Variants in SHANK2 observed in about 807,000 individuals in gnomAD.
The protein encoded by SHANK2 is SH3 and multiple ankyrin repeat domains 2, also known as SH3 and multiple ankyrin repeat domains protein 2.
A neutral mutation model predicts 133.7 loss-of-function variants in SHANK2; 43 were observed. The ratio of observed to expected loss-of-function variants is 0.32; its 90% confidence interval spans 0.25 to 0.41. The LOEUF (loss-of-function observed/expected upper bound fraction) is 0.41. Ranked by LOEUF, SHANK2 falls within the 10% of genes least tolerant of loss-of-function variation. The pLI, the probability that SHANK2 is intolerant of heterozygous loss-of-function variation, is 1.00. For missense variants in SHANK2, 1,994 were observed against 2,235.8 expected (o/e 0.89, Z 2.18); for synonymous variants, 1,017 against 952.8 (o/e 1.07, Z -1.24).
At chr11:70,744,515 G>C (rs1946598355) in intron 14 of SHANK2, among the ~76,000 whole-genome samples, 1 of 152,166 alleles carries the variant, frequency 6.6e-6, no homozygotes, top group Non-Finnish European at 1.5e-5. Context: ...CCAGAAGGTT[G>C]GAAGAGGGCA....
rs1377859112 is a variant in SHANK2 at position 70,882,865 on chromosome 11, G to A, written c.1174+13636C>T. Among the ~76,000 whole-genome samples, 1 of 152,190 alleles carries A rather than the reference G, an allele frequency of 6.6e-6. No homozygotes were observed. The highest frequency in any genetic ancestry group is 1.5e-5 in the Non-Finnish European group (1 of 68,034). The stretch of plus-strand genomic sequence containing the variant: ...CTGTGTGGATTTTGCAGGAGTGAGG[G>A]GAGGTCCTGAGGAAACAGCTGCAGG... On this transcript the variant is annotated intron_variant, in intron 11 of 25. Coordinates refer to ENST00000601538, the MANE Select transcript of SHANK2 (RefSeq NM_012309.5). This position sits in a 1 kb window ranked among gnomAD's most constrained non-coding sequence, Gnocchi z 4.2.
intron 17 of SHANK2, among the ~76,000 whole-genome samples, chr11:70,613,483 A>G (rs1052619002): frequency 5.4e-4 from 82 of 152,284 alleles, no homozygotes; most frequent in Admixed American, 2.6e-3. Context: ...GATTACAGGC[A>G]TGAGCCGCCG....
At chr11:70,792,394 GCCAACCAACCAACCAACCAA>G (rs57783483) in intron 14 of SHANK2, among the ~76,000 whole-genome samples, 143 of 144,196 alleles carry the variant, frequency 9.9e-4, no homozygotes, top group Non-Finnish European at 1.7e-3. Flanking sequence ...CAGCCAACCA[GCCAACCAACCAACCAACCAA>G]CCAACCAACC....
At chr11:71,217,088 T>C (rs1954428807) in intron 2 of SHANK2, among the ~76,000 whole-genome samples, 1 of 151,890 alleles carries the variant, frequency 6.6e-6, no homozygotes, top group South Asian at 2.1e-4. Flanking sequence ...TCCCAGCTAC[T>C]TGGGAGGCTG....
chr11:71,206,136 A>G (rs1194383919), intron 2 of SHANK2, among the ~76,000 whole-genome samples: 2 of 152,188 alleles, frequency 1.3e-5, no homozygotes, highest in Non-Finnish European at 2.9e-5. Context: ...CAAAGTACAC[A>G]TCTGCCCGTG....
chr11:70,738,985 G>A (rs552497023), intron 14 of SHANK2, among the ~76,000 whole-genome samples: 2 of 152,296 alleles, frequency 1.3e-5, no homozygotes, highest in African/African-American at 2.4e-5. Context: ...GTGGCCCGAC[G>A]GAAGGACCTG....
chr11:70,610,532 C>G (rs945612303), intron 17 of SHANK2, among the ~76,000 whole-genome samples: 15 of 152,222 alleles, frequency 9.9e-5, no homozygotes, highest in Non-Finnish European at 1.5e-5. Context: ...TAGAAACAGG[C>G]TGCTGGCCTT....
At chr11:70,914,208 G>A (rs1028199642) in intron 10 of SHANK2, among the ~76,000 whole-genome samples, 1 of 152,014 alleles carries the variant, frequency 6.6e-6, no homozygotes, top group Non-Finnish European at 1.5e-5. Context: ...TCCGGAAATC[G>A]GGCTCTGGGG....
intron 17 of SHANK2, among the ~76,000 whole-genome samples, chr11:70,529,579 A>G (rs2059442190): frequency 6.6e-6 from 1 of 152,254 alleles, no homozygotes; most frequent in South Asian, 2.1e-4. Context: ...CACGTGGCCT[A>G]ACACTGACCA....
chr11:70,890,736 C>CCG lies in SHANK2; in HGVS notation c.1174+5764_1174+5765insCG, dbSNP rs1555074475. Among the ~76,000 whole-genome samples, 730 of 150,396 alleles carry CCG rather than the reference C, an allele frequency of 4.9e-3. 7 individuals carry two copies. The highest frequency in any genetic ancestry group is 0.017 in the African/African-American group (691 of 40,756). ...ATCGCTTGAACCCAGGAGGCAGAGG[C>CCG]TGCAGTGAGCCAAGATCGCACCACT... On this transcript the variant is annotated intron_variant, in intron 11 of 25. Transcript: ENST00000601538.
chr11:70,768,344 T>C (rs1947171762), intron 14 of SHANK2, among the ~76,000 whole-genome samples: 1 of 152,176 alleles, frequency 6.6e-6, no homozygotes, highest in South Asian at 2.1e-4. Flanking sequence ...CAGCATCACC[T>C]GAGAGATAGG....
At chr11:70,674,038 G>A (rs1395606834) in intron 15 of SHANK2, among the ~76,000 whole-genome samples, 6 of 152,178 alleles carry the variant, frequency 3.9e-5, no homozygotes, top group East Asian at 1.9e-4. Context: ...CCATTCTCCC[G>A]GGGCTGAGAG....
At chr11:70,755,583 A>G (rs1296606436) in intron 14 of SHANK2, among the ~76,000 whole-genome samples, 1 of 152,128 alleles carries the variant, frequency 6.6e-6, no homozygotes, top group Non-Finnish European at 1.5e-5. Flanking sequence ...TGGCAGTGGG[A>G]CCACAGTGGA....
chr11:70,837,492 T>C (rs1948837662), intron 11 of SHANK2, among the ~76,000 whole-genome samples: 1 of 152,246 alleles, frequency 6.6e-6, no homozygotes, highest in African/African-American at 2.4e-5. Flanking sequence ...CCAAGAGGGT[T>C]ACTCTCTTAA....
intron 11 of SHANK2, among the ~76,000 whole-genome samples, chr11:70,886,716 CACA>C (rs781939356): frequency 5.3e-5 from 8 of 151,340 alleles, no homozygotes; most frequent in Admixed American, 6.6e-5. Context: ...CACACACACA[CACA>C]CACCCCTAAC....
intron 17 of SHANK2, chr11:70,604,983 C>G (rs563519404): frequency 6.5e-6 from 1 of 152,908 alleles, no homozygotes; most frequent in Non-Finnish European, 1.5e-5. Context: ...CAGGGCCCAT[C>G]GGGATTCACC....
At chr11:70,507,907 C>G (rs1422898929) in intron 17 of SHANK2, among the ~76,000 whole-genome samples, 1 of 152,232 alleles carries the variant, frequency 6.6e-6, no homozygotes, top group Non-Finnish European at 1.5e-5. Context: ...TGGGAGGAAC[C>G]CGCAAGAGCG....
chr11:70,638,870 A>G (rs549873669), intron 17 of SHANK2, among the ~76,000 whole-genome samples: 70 of 152,210 alleles, frequency 4.6e-4, no homozygotes, highest in African/African-American at 1.6e-3. Context: ...GGTTGCAGGT[A>G]CCTGTAATCC....
intron 16 of SHANK2, among the ~76,000 whole-genome samples, chr11:70,660,969 C>T (rs1225655623): frequency 6.6e-6 from 1 of 152,228 alleles, no homozygotes; most frequent in Non-Finnish European, 1.5e-5. Flanking sequence ...GGAAGCTGCG[C>T]GTGCAGGGTG....
Sources: allele counts gnomAD v4.1 joint callset (sites outside exome capture counted in the v4.1 genomes callset), GRCh38; gene constraint gnomAD v4.1.1; non-coding constraint Gnocchi (gnomAD v3.1); transcripts MANE v1.5; gene names NCBI Gene and HGNC (gene_info 2026-07-23, HGNC 2026-07-21).